The following STAG1 variants were observed in gnomAD, a reference collection of about 807,000 sequenced individuals.
STAG1 encodes STAG1 cohesin complex component.
Under a neutral mutation model 170.9 loss-of-function variants are expected in STAG1, and 26 were observed. The observed-to-expected ratio is 0.15, with a 90% confidence interval of 0.11 to 0.21. STAG1 has a LOEUF of 0.21. Ranked by LOEUF, STAG1 falls within the 10% of genes least tolerant of loss-of-function variation. The pLI is 1.00. For missense variants in STAG1, 964 were observed against 1,509.5 expected, an observed-to-expected ratio of 0.64 and a Z score of 5.99; for synonymous variants, 514 against 497.7, an observed-to-expected ratio of 1.03 and a Z score of -0.44.
chr3:136,346,296 A>G (rs1276769896), intron 29 of STAG1, among the ~76,000 whole-genome samples: 1 of 152,246 alleles, frequency 6.6e-6, no homozygotes, highest in Admixed American at 6.5e-5. Context: ...GAATGAATGG[A>G]TAACTCCAGG....
chr3:136,661,581 T>C (rs897626268), intron 1 of STAG1, among the ~76,000 whole-genome samples: 1 of 152,150 alleles, frequency 6.6e-6, no homozygotes, highest in Non-Finnish European at 1.5e-5. Flanking sequence ...ATCCCCAAGA[T>C]ATCTCATTAT....
At chr3:136,700,876 CTTTTTTTT>C (rs35459362) in intron 1 of STAG1, among the ~76,000 whole-genome samples, 2 of 78,356 alleles carry the variant, frequency 2.6e-5, no homozygotes, top group Non-Finnish European at 4.6e-5. Context: ...TATTTTTTTT[CTTTTTTTT>C]TTTTTTTTTT....
At chr3:136,630,225 A>T (rs1433080507) in intron 2 of STAG1, among the ~76,000 whole-genome samples, 16 of 152,120 alleles carry the variant, frequency 1.1e-4, no homozygotes. Context: ...ATAAGTCCCA[A>T]TTCTAAATCT....
intron 12 of STAG1, among the ~76,000 whole-genome samples, chr3:136,469,155 G>C (rs1438108227): frequency 6.6e-6 from 1 of 151,750 alleles, no homozygotes; most frequent in African/African-American, 2.4e-5. Context: ...GGCAGGAGAA[G>C]GAAATAAAGG....
chr3:136,731,117 A>T (rs1934015719), intron 1 of STAG1, among the ~76,000 whole-genome samples: 1 of 152,104 alleles, frequency 6.6e-6, no homozygotes, highest in South Asian at 2.1e-4. Flanking sequence ...CTCATCTCCA[A>T]CATCTACCCT....
rs771022280 is a variant in STAG1 at position 136,357,712 on chromosome 3, C to G, written c.3065+8G>C. The G allele has an allele frequency of 6.3e-7, 1 of 1,581,502 alleles. No homozygotes were observed. The highest frequency in any genetic ancestry group is 8.5e-7 in the Non-Finnish European group (1 of 1,171,872). ...TAAAAACCACTTCTCTTGTAATGTG[C>G]AACTTACACTGTCTTTTTGTCCTGT... On this transcript the variant is annotated splice_region_variant and intron_variant, in intron 28 of 33. Coordinates refer to ENST00000383202, the MANE Select transcript of STAG1 (RefSeq NM_005862.3).
chr3:136,442,048 A>C (rs973861862), intron 15 of STAG1, among the ~76,000 whole-genome samples: 1 of 152,190 alleles, frequency 6.6e-6, no homozygotes, highest in East Asian at 1.9e-4. Flanking sequence ...AAGTACAAAA[A>C]TTAGCTGGGC....
intron 30 of STAG1, among the ~76,000 whole-genome samples, chr3:136,342,307 C>T (rs1020126061): frequency 6.6e-6 from 1 of 152,118 alleles, no homozygotes; most frequent in East Asian, 1.9e-4. Flanking sequence ...GCATGAGCCA[C>T]CGCGCCCAGC....
At chr3:136,505,903 G>T (rs1169949447) in intron 7 of STAG1, among the ~76,000 whole-genome samples, 1 of 152,198 alleles carries the variant, frequency 6.6e-6, no homozygotes, top group East Asian at 1.9e-4. Flanking sequence ...AAGGTAAACT[G>T]TTGGGAGGAG....
intron 1 of STAG1, among the ~76,000 whole-genome samples, chr3:136,711,082 T>C (rs1943369929): frequency 6.6e-6 from 1 of 151,354 alleles, no homozygotes; most frequent in South Asian, 2.1e-4. Context: ...TATATATACT[T>C]ACTATGGCAT....
At chr3:136,496,627 T>C (rs1459548781) in intron 9 of STAG1, among the ~76,000 whole-genome samples, 1 of 152,064 alleles carries the variant, frequency 6.6e-6, no homozygotes, top group African/African-American at 2.4e-5. Context: ...TATATCCAAA[T>C]TTAGGACACA....
At chr3:136,508,288 A>C (rs1448315132) in intron 7 of STAG1, among the ~76,000 whole-genome samples, 1 of 152,216 alleles carries the variant, frequency 6.6e-6, no homozygotes, top group African/African-American at 2.4e-5. Context: ...TCCTTTAAAT[A>C]AAGGAGATTA....
intron 1 of STAG1, among the ~76,000 whole-genome samples, chr3:136,747,252 G>A (rs1178009502): frequency 2.0e-5 from 3 of 148,104 alleles, no homozygotes; most frequent in Non-Finnish European, 4.5e-5. Context: ...CAGCCTGGGC[G>A]ACAGAGCAAG....
At chr3:136,651,376 T>TAAAAAAAA in intron 1 of STAG1, among the ~76,000 whole-genome samples, 1 of 121,992 alleles carries the variant, frequency 8.2e-6, no homozygotes, top group Non-Finnish European at 1.7e-5. Flanking sequence ...ACCAAAAATT[T>TAAAAAAAA]AAAAAAAAAA....
At chr3:136,470,477 T>C (rs1055046413) in intron 12 of STAG1, among the ~76,000 whole-genome samples, 5 of 152,052 alleles carry the variant, frequency 3.3e-5, no homozygotes, top group Admixed American at 2.6e-4. Context: ...ATTAAAAAGT[T>C]AGGAAACAAC....
rs1393561506 is a variant in STAG1, at chr3:136,714,966, T to TATAA, written c.-84+37228_-84+37229insTTAT. 2.0e-4 allele frequency among the ~76,000 whole-genome samples: 21 copies of TATAA among 102,460 alleles called. No homozygotes were observed. The East Asian group carries it at 4.7e-3, about 23-fold the overall frequency. 67.2% of individuals were successfully genotyped at this position (102,460 alleles called of 152,430 possible). A position where few individuals can be genotyped will look rare whatever the true frequency, so the allele number is the denominator to read the frequency against. ...ATATATATATATATATATATATATT[T>TATAA]TATATATATATTTTTATATATATAT... On this transcript the variant is annotated intron_variant, in intron 1 of 33. Transcript: ENST00000383202.
At chr3:136,476,266 A>T (rs2089747038) in intron 10 of STAG1, among the ~76,000 whole-genome samples, 1 of 152,190 alleles carries the variant, frequency 6.6e-6, no homozygotes, top group Admixed American at 6.5e-5. Flanking sequence ...GAGACTAAGG[A>T]CAAATCTCAG....
chr3:136,487,992 C>T (rs2090050376), intron 9 of STAG1, among the ~76,000 whole-genome samples: 1 of 152,232 alleles, frequency 6.6e-6, no homozygotes, highest in South Asian at 2.1e-4. Context: ...GGAAGCAGAA[C>T]CTACAACCCC....
chr3:136,720,404 A>G (rs1169426335), intron 1 of STAG1, among the ~76,000 whole-genome samples: 1 of 152,188 alleles, frequency 6.6e-6, no homozygotes. Flanking sequence ...TGTCTCCAAC[A>G]CAGTCCCAGG....
Sources: gnomAD v4.1 joint callset for allele counts (sites outside exome capture counted in the v4.1 genomes callset) on GRCh38, gnomAD v4.1.1 for gene constraint, MANE v1.5 for transcripts, NCBI Gene and HGNC (gene_info 2026-07-23, HGNC 2026-07-21) for gene names.